The following CREBBP variants were observed in gnomAD, a reference collection of about 807,000 sequenced individuals.
CREBBP encodes the protein CREB-binding protein.
CREBBP carries 19 observed loss-of-function variants against 265.0 expected under a neutral mutation model. The observed-to-expected ratio is 0.07, with a 90% CI of 0.05 to 0.11. The LOEUF is 0.11. Ranked by LOEUF, CREBBP falls within the 10% of genes least tolerant of loss-of-function variation. CREBBP has a pLI of 1.00. For synonymous variants in CREBBP, 1,457 were observed against 1,223.7 expected, an observed-to-expected ratio of 1.19 and a Z score of -3.98; for missense variants, 2,525 against 3,219.0, an observed-to-expected ratio of 0.78 and a Z score of 5.22.
Position 3,770,776 on chromosome 16 carries a change from C to G in CREBBP, c.2674G>C (p.Val892Leu). 2 of 1,614,068 alleles carry G rather than the reference C, an allele frequency of 1.2e-6. No individual in the cohort carries two copies. Among genetic ancestry groups the G allele is most frequent in the Non-Finnish European group, 1.7e-6 (2 of 1,180,018 alleles). ...GTGGGAGTCTGCCCGGAAGACGACA[C>G]AGGAGTTGATGGCTGAGTGGGAGCT... Reference protein sequence around the residue: ...PAAPTQPSTPVSSSGQTPTPT... With the variant: ...PAAPTQPSTPLSSSGQTPTPT... Residue 892 changes from valine to leucine, a missense_variant, in exon 14 of 31, where the codon GTG becomes CTG. This residue lies in a region of CREBBP where 548 missense variants were observed against 533.0 expected (regional missense o/e 1.03). Coordinates refer to ENST00000262367, the MANE Select transcript of CREBBP (RefSeq NM_004380.3).
chr16:3,866,572 C>A (rs1392133143), intron 1 of CREBBP, among the ~76,000 whole-genome samples: 2 of 151,986 alleles, frequency 1.3e-5, no homozygotes, highest in African/African-American at 4.8e-5. Flanking sequence ...AACATATATA[C>A]CCCCAAAATG....
chr16:3,727,565 T>C lies in CREBBP; in HGVS notation c.*153A>G. The C allele has an allele frequency of 9.5e-7, 1 of 1,049,726 alleles. No homozygotes were observed. 65.0% of individuals were successfully genotyped at this position (1,049,726 alleles called of 1,614,324 possible). On this transcript the variant is annotated 3_prime_UTR_variant, in exon 31 of 31. Transcript: ENST00000262367. ...AATCAACTGGTTTTTAACAAAAAAA[T>C]ATATTCTTTGTATTGTTTCTTTAAA...
At chr16:3,861,361 C>T (rs188389124) in intron 1 of CREBBP, among the ~76,000 whole-genome samples, 79 of 152,368 alleles carry the variant, frequency 5.2e-4, no homozygotes, top group Admixed American at 8.5e-4. Flanking sequence ...GCATTTAGCA[C>T]TGAGCTTGGC....
At chr16:3,758,128 AAAT>A in intron 17 of CREBBP, 80 bp from the exon 18 acceptor site, 1 of 1,476,608 alleles carries the variant, frequency 6.8e-7, no homozygotes, top group Admixed American at 1.9e-5. Context: ...CTTTGTTTTA[AAAT>A]AATAGAAACA....
chr16:3,865,701 C>T (rs930583826), intron 1 of CREBBP, among the ~76,000 whole-genome samples: 1 of 151,562 alleles, frequency 6.6e-6, no homozygotes, highest in African/African-American at 2.4e-5. Flanking sequence ...TGTAGTGGCG[C>T]GACCTCAGCT....
At position 3,850,511 on chromosome 16, in the gene CREBBP, T is replaced by C. The variant is rs369030555; in HGVS notation, c.584A>G (p.His195Arg). 5.0e-6 allele frequency: 8 copies of C among 1,614,252 alleles called. No homozygotes were observed. Among genetic ancestry groups the C allele is most frequent in the Non-Finnish European group, 6.8e-6 (8 of 1,180,046 alleles). Reference protein sequence around the residue: ...HPGLLNSNSGHSLINQASQGQ... With the variant: ...HPGLLNSNSGRSLINQASQGQ... ...TTGTGAAGCCTGATTAATTAAGCTATGGCCAGAGTTACTATTGAGGAGGCC... is the reference window on the plus strand; with the variant it reads ...TTGTGAAGCCTGATTAATTAAGCTACGGCCAGAGTTACTATTGAGGAGGCC... Residue 195 changes from histidine to arginine, a missense_variant, in exon 2 of 31, where the codon CAT becomes CGT. Transcript: ENST00000262367.
chr16:3,871,024 G>A (rs2055282709), intron 1 of CREBBP, among the ~76,000 whole-genome samples: 1 of 149,290 alleles, frequency 6.7e-6, no homozygotes, highest in Non-Finnish European at 1.5e-5. Flanking sequence ...AGGGGAAGGG[G>A]AAGGGGAAGG....
At position 3,850,174 on chromosome 16, in the gene CREBBP, A is replaced by G. The variant is rs368715217; in HGVS notation, c.798+123T>C. On this transcript the variant is annotated intron_variant, in intron 2 of 30. Coordinates refer to ENST00000262367, the MANE Select transcript of CREBBP (RefSeq NM_004380.3). ...AAGAAATCTGTCTCTTCCAAGCATG[A>G]GTGGCACGTGGAGAGCCCAAGAGGA... 9.3e-4 allele frequency: 828 copies of G among 888,206 alleles called. 9 individuals carry two copies. In the South Asian group the frequency reaches 0.011, roughly 12 times the overall value. The allele number at this position is 888,206 out of a possible 1,614,324, so 55.0% of individuals were successfully genotyped here.
chr16:3,823,356 G>A (rs555914524), intron 2 of CREBBP, among the ~76,000 whole-genome samples: 13 of 152,284 alleles, frequency 8.5e-5, no homozygotes, highest in Admixed American at 3.3e-4. Context: ...AGATCAAACT[G>A]TTGGTGACAG....
At position 3,729,047 on chromosome 16, in the gene CREBBP, C is replaced by A. The variant is rs1193335086; in HGVS notation, c.6000G>T (p.Leu2000=). 6.3e-7 allele frequency: 1 copy of A among 1,586,844 alleles called. No individual in the cohort carries two copies. ...TCACCTGGTTGGGTCGGGGCACATT[C>A]AGGCTCACGGGGGCCATCTGGCTCC... ...TPGSQMAPVS[L]NVPRPNQVSG... The change falls in exon 31 of 31, where the codon CTG becomes CTT. Residue 2000 remains leucine, a synonymous_variant. Transcript: ENST00000262367.
At chr16:3,805,358 T>C (rs1231289350) in intron 3 of CREBBP, among the ~76,000 whole-genome samples, 1 of 152,230 alleles carries the variant, frequency 6.6e-6, no homozygotes, top group Non-Finnish European at 1.5e-5. Flanking sequence ...AGAGATGACA[T>C]GACTATTCAC....
chr16:3,728,686 G>GGCCAGGCTGGGGCTGCAT lies in CREBBP; in HGVS notation c.6343_6360dup (p.Met2115_Gly2120dup), dbSNP rs2051821964. The GGCCAGGCTGGGGCTGCAT allele has an allele frequency of 1.2e-5, 20 of 1,613,762 alleles. No homozygotes were observed. Among genetic ancestry groups the GGCCAGGCTGGGGCTGCAT allele is most frequent in the Admixed American group, 1.7e-5 (1 of 59,992 alleles). ...GGTTGCATGCCGGGCTGGGACTGGAGGCCAGGCTGGGGCTGCATGCCGGGC... is the reference window on the plus strand; with the variant it reads ...GGTTGCATGCCGGGCTGGGACTGGAGGCCAGGCTGGGGCTGCATGCCAGGCTGGGGCTGCATGCCGGGC... On this transcript the variant is annotated inframe_insertion, in exon 31 of 31. Transcript: ENST00000262367. The surrounding 1 kb of genome is among the most constrained non-coding windows in gnomAD (Gnocchi z 8.7).
intron 2 of CREBBP, among the ~76,000 whole-genome samples, chr16:3,845,718 T>A (rs932489378): frequency 4.6e-5 from 7 of 151,682 alleles, no homozygotes; most frequent in African/African-American, 1.7e-4. Context: ...AAACCCCGTC[T>A]CCACAAAAAA....
At chr16:3,764,817 A>G (rs1052223653) in intron 16 of CREBBP, among the ~76,000 whole-genome samples, 6 of 152,112 alleles carry the variant, frequency 3.9e-5, no homozygotes, top group African/African-American at 7.2e-5. Context: ...TCCTGGCTTC[A>G]AGTGATCCTC....
intron 5 of CREBBP, among the ~76,000 whole-genome samples, chr16:3,788,101 A>G (rs2053427838): frequency 6.6e-6 from 1 of 152,196 alleles, no homozygotes; most frequent in African/African-American, 2.4e-5. Flanking sequence ...CGCAGCCGGG[A>G]CAGTGCGTGC....
Position 3,850,606 on chromosome 16 carries a change from A to C in CREBBP, c.489T>G (p.Thr163=), listed in dbSNP as rs1475170942. ...CAGTCTGTGACGTGGCAGGGCTGCT[A>C]GTCGCCAGCCCCACTTGCTTTTGTG... ...PQAQKQVGLA[T]SSPATSQTGP... is the part of the protein sequence containing the mutation. Residue 163 remains threonine, a synonymous_variant, in exon 2 of 31, where the codon ACT becomes ACG. Transcript: ENST00000262367. The C allele has an allele frequency of 6.2e-7, 1 of 1,614,224 alleles. No individual in the cohort carries two copies. Among genetic ancestry groups the C allele is most frequent in the Non-Finnish European group, 8.5e-7 (1 of 1,180,044 alleles).
Position 3,726,887 on chromosome 16 carries a change from C to T in CREBBP, c.*831G>A, listed in dbSNP as rs1469873013. 8.6e-6 allele frequency: 2 copies of T among 233,448 alleles called. No individual in the cohort carries two copies. Among genetic ancestry groups the T allele is most frequent in the Non-Finnish European group, 1.7e-5 (2 of 118,008 alleles). The allele number at this position is 233,448 out of a possible 1,614,324, so 14.5% of individuals were successfully genotyped here. Reference sequence around the variant, plus strand: ...TGAGTTGGTATTTTACCATTCTATACAGTGATTGAATCTTCTCGAGTTTCG... The same window carrying T: ...TGAGTTGGTATTTTACCATTCTATATAGTGATTGAATCTTCTCGAGTTTCG... On this transcript the variant is annotated 3_prime_UTR_variant, in exon 31 of 31. Coordinates refer to ENST00000262367, the MANE Select transcript of CREBBP (RefSeq NM_004380.3).
chr16:3,736,879 G>A (rs2052075020), intron 26 of CREBBP, 64 bp from the exon 27 acceptor site: 1 of 1,593,024 alleles, frequency 6.3e-7, no homozygotes, highest in Admixed American at 1.7e-5. Flanking sequence ...CCTTTAAGGA[G>A]TTATAGCAGA....
Position 3,726,414 on chromosome 16 carries a change from GCCCACCTCAGTC to G in CREBBP, c.*1292_*1303del. 4.3e-3 allele frequency: 1 copy of G among 232 alleles called. No homozygotes were observed. Among genetic ancestry groups the G allele is most frequent in the African/African-American group, 6.3e-3 (1 of 158 alleles). 0.0% of individuals were successfully genotyped at this position (232 alleles called of 1,614,324 possible). On this transcript the variant is annotated 3_prime_UTR_variant, in exon 31 of 31. Coordinates refer to ENST00000262367, the MANE Select transcript of CREBBP (RefSeq NM_004380.3). ...GAATGTGTGGGGCCAACGCTGAGCC[GCCCACCTCAGTC>G]GCCCACCTCAGTCTCCGGGAAGAAA...
Sources: allele counts gnomAD v4.1 joint callset (sites outside exome capture counted in the v4.1 genomes callset), GRCh38; gene constraint gnomAD v4.1.1; regional missense constraint gnomAD v4.1.1; non-coding constraint Gnocchi (gnomAD v3.1); transcripts MANE v1.5; gene names NCBI Gene and HGNC (gene_info 2026-07-23, HGNC 2026-07-21).